CACNG2: variants seen among roughly 807,000 people sequenced by gnomAD.
CACNG2 encodes the protein voltage-dependent calcium channel gamma-2 subunit.
Under a neutral mutation model 25.9 loss-of-function variants are expected in CACNG2, and 3 were observed. The ratio of observed to expected loss-of-function variants is 0.12; its 90% CI spans 0.05 to 0.30. The LOEUF (loss-of-function observed/expected upper bound fraction) is 0.30. Among genes scored for constraint, CACNG2 ranks in the 10% least tolerant of loss-of-function variants. The pLI is 1.00. For synonymous variants in CACNG2, 167 were observed against 173.3 expected, an observed-to-expected ratio of 0.96 and a Z score of 0.29; for missense variants, 341 against 432.5, an observed-to-expected ratio of 0.79 and a Z score of 1.88.
chr22:36,645,536 CAAAAAAAAAAAAAA>C (rs200600420), intron 1 of CACNG2, among the ~76,000 whole-genome samples: 2 of 134,874 alleles, frequency 1.5e-5, no homozygotes, highest in East Asian at 2.1e-4. Context: ...GACTCTGTCT[CAAAAAAAAAAAAAA>C]AAAAAAAAAA....
intron 2 of CACNG2, among the ~76,000 whole-genome samples, chr22:36,573,097 C>T (rs1935259398): frequency 6.6e-6 from 1 of 152,224 alleles, no homozygotes; most frequent in Admixed American, 6.5e-5. Context: ...ATGTAGACAA[C>T]TAATGTCCAT....
chr22:36,683,331 G>T (rs1937151693), intron 1 of CACNG2, among the ~76,000 whole-genome samples: 1 of 152,214 alleles, frequency 6.6e-6, no homozygotes, highest in East Asian at 1.9e-4. Flanking sequence ...CAATACTTCA[G>T]GATTAGCCTT....
chr22:36,658,346 C>T (rs1936738806), intron 1 of CACNG2, among the ~76,000 whole-genome samples: 1 of 152,206 alleles, frequency 6.6e-6, no homozygotes, highest in South Asian at 2.1e-4. Context: ...GAAAGTCCTC[C>T]TCTCGCCAAT....
At chr22:36,696,938 GA>G (rs1175066334) in intron 1 of CACNG2, among the ~76,000 whole-genome samples, 1 of 152,176 alleles carries the variant, frequency 6.6e-6, no homozygotes, top group Non-Finnish European at 1.5e-5. Flanking sequence ...TGCAGGAAGT[GA>G]ACCCAGGTCT....
intron 1 of CACNG2, among the ~76,000 whole-genome samples, chr22:36,605,517 G>A (rs528589382): frequency 6.6e-6 from 1 of 152,350 alleles, no homozygotes; most frequent in African/African-American, 2.4e-5. Context: ...GTGATGCTCA[G>A]TGGTTAGCTT....
intron 1 of CACNG2, among the ~76,000 whole-genome samples, chr22:36,609,717 G>A (rs1452571107): frequency 2.9e-5 from 4 of 135,958 alleles, no homozygotes; most frequent in East Asian, 2.3e-4. Flanking sequence ...GCAGGAATCA[G>A]CCCCCCAGAG....
intron 1 of CACNG2, among the ~76,000 whole-genome samples, chr22:36,610,560 G>A (rs1935924456): frequency 6.6e-6 from 1 of 152,214 alleles, no homozygotes; most frequent in South Asian, 2.1e-4. Context: ...GGCAGATCAG[G>A]ATGAGAAGGC....
At chr22:36,617,511 C>T (rs1569030828) in intron 1 of CACNG2, among the ~76,000 whole-genome samples, 1 of 151,570 alleles carries the variant, frequency 6.6e-6, no homozygotes, top group Admixed American at 6.6e-5. Flanking sequence ...TCATGTTGAG[C>T]CAATTTACTT....
chr22:36,619,535 T>C (rs76460673), intron 1 of CACNG2, among the ~76,000 whole-genome samples: 2,833 of 152,360 alleles, frequency 0.019, 98 homozygotes, highest in African/African-American at 0.064. Context: ...GTTTGTCTGC[T>C]AATGTTTTCA....
Position 36,606,437 on chromosome 22 carries a change from G to A in CACNG2, c.212-18889C>T, listed in dbSNP as rs757158646. ...GAACGCCTCTAAAGATTCATTGCTC[G>A]TGTAAGTGAAAGAGCTGGGCTCTGA... is the stretch of plus-strand genomic sequence containing the variant. On this transcript the variant is annotated intron_variant, in intron 1 of 3. Coordinates refer to ENST00000300105, the MANE Select transcript of CACNG2 (RefSeq NM_006078.5). The surrounding 1 kb of genome is among the most constrained non-coding windows in gnomAD (Gnocchi z 5.7). 2.0e-5 allele frequency among the ~76,000 whole-genome samples: 3 copies of A among 152,196 alleles called. No individual in the cohort carries two copies. Among genetic ancestry groups the A allele is most frequent in the African/African-American group, 4.8e-5 (2 of 41,448 alleles).
chr22:36,672,161 C>A (rs1436929431), intron 1 of CACNG2, among the ~76,000 whole-genome samples: 1 of 149,228 alleles, frequency 6.7e-6, no homozygotes, highest in Non-Finnish European at 1.5e-5. Context: ...TTTTTTTTTT[C>A]TTTTTTTCTT....
At chr22:36,573,017 C>G (rs1354545756) in intron 2 of CACNG2, among the ~76,000 whole-genome samples, 2 of 152,100 alleles carry the variant, frequency 1.3e-5, no homozygotes, top group African/African-American at 4.8e-5. Context: ...AATCACACAG[C>G]CTGGATAACG....
intron 2 of CACNG2, among the ~76,000 whole-genome samples, chr22:36,586,945 A>AG (rs925333826): frequency 4.0e-5 from 6 of 148,720 alleles, no homozygotes; most frequent in Non-Finnish European, 8.9e-5. Context: ...CGGGGGAAGA[A>AG]AAAATCTCTC....
At position 36,686,403 on chromosome 22, in the gene CACNG2, G is replaced by A. The variant is rs113709001; in HGVS notation, c.211+15963C>T. On this transcript the variant is annotated intron_variant, in intron 1 of 3. Coordinates refer to ENST00000300105, the MANE Select transcript of CACNG2 (RefSeq NM_006078.5). ...GTCAAATCCTGCAGCTCTTTCATGC[G>A]GAAGGGCCCTTGGATTTGATGACTT... Among the ~76,000 whole-genome samples, 293 of 152,282 alleles carry A rather than the reference G, an allele frequency of 1.9e-3. 3 individuals carry two copies. Among genetic ancestry groups the A allele is most frequent in the African/African-American group, 6.5e-3 (269 of 41,562 alleles).
rs1936774796 is a variant in CACNG2, at chr22:36,660,399, T to G, written c.211+41967A>C. Reference sequence around the variant, plus strand: ...CCAGTGCCAGGCGCGCACAGGCATATGTCACATTTCAGCATTGTTTTCCTT... The same window carrying G: ...CCAGTGCCAGGCGCGCACAGGCATAGGTCACATTTCAGCATTGTTTTCCTT... On this transcript the variant is annotated intron_variant, in intron 1 of 3. Coordinates refer to ENST00000300105, the MANE Select transcript of CACNG2 (RefSeq NM_006078.5). Among the ~76,000 whole-genome samples the G allele has an allele frequency of 2.6e-5, 4 of 152,258 alleles. No homozygotes were observed. In the South Asian group the frequency reaches 6.2e-4, roughly 24 times the overall value.
intron 1 of CACNG2, among the ~76,000 whole-genome samples, chr22:36,644,014 G>C (rs952706816): frequency 2.0e-4 from 31 of 152,182 alleles, no homozygotes; most frequent in African/African-American, 7.5e-4. Context: ...CTCTGTTATG[G>C]GCAAACTGAA....
intron 2 of CACNG2, among the ~76,000 whole-genome samples, chr22:36,570,694 C>T (rs544153489): frequency 2.2e-5 from 3 of 136,846 alleles, no homozygotes; most frequent in Non-Finnish European, 3.0e-5. Context: ...ACTTGGGAGG[C>T]GGAGGTTGCA....
chr22:36,564,684 G>A lies in CACNG2; in HGVS notation c.639C>T (p.Arg213=), dbSNP rs762691427. The A allele has an allele frequency of 6.2e-7, 1 of 1,613,862 alleles. No individual in the cohort carries two copies. The highest frequency in any genetic ancestry group is 8.5e-7 in the Non-Finnish European group (1 of 1,180,018). The change falls in exon 4 of 4, where the codon CGC becomes CGT. Residue 213 remains arginine (R), a synonymous_variant. Coordinates refer to ENST00000300105, the MANE Select transcript of CACNG2 (RefSeq NM_006078.5). The surrounding 1 kb of genome is among the most constrained non-coding windows in gnomAD (Gnocchi z 6.7). ...DRHKQLRATA[R]ATDYLQASAI... ...CAGAGGCCTGGAGGTAGTCCGTGGC[G>A]CGGGCCGTGGCCCGCAGCTGTTTGT...
chr22:36,566,894 C>T (rs1448094374), intron 2 of CACNG2, among the ~76,000 whole-genome samples: 4 of 152,252 alleles, frequency 2.6e-5, no homozygotes, highest in Non-Finnish European at 5.9e-5. Flanking sequence ...TCCTATTCTT[C>T]ACTCAGCAAA....
Sources: allele counts gnomAD v4.1 joint callset (sites outside exome capture counted in the v4.1 genomes callset), GRCh38; gene constraint gnomAD v4.1.1; non-coding constraint Gnocchi (gnomAD v3.1); transcripts MANE v1.5; gene names NCBI Gene and HGNC (gene_info 2026-07-23, HGNC 2026-07-21).